GOLGA5: variants seen among roughly 807,000 people sequenced by gnomAD.
GOLGA5 encodes golgin A5.
A neutral mutation model predicts 93.5 loss-of-function variants in GOLGA5; 50 were observed. The ratio of observed to expected loss-of-function variants is 0.53; its 90% CI spans 0.43 to 0.68. GOLGA5 has a LOEUF of 0.68. Among genes scored for constraint, GOLGA5 ranks in the 30% least tolerant of loss-of-function variants. The pLI, the probability that GOLGA5 is intolerant of heterozygous loss-of-function variation, is 0.00. For missense variants in GOLGA5, 760 were observed against 856.4 expected (o/e 0.89, Z 1.40); for synonymous variants, 312 against 304.5 (o/e 1.02, Z -0.26).
intron 10 of GOLGA5, 106 bp from the exon 11 acceptor site, chr14:92,835,453 G>T (rs1885622652): frequency 1.6e-6 from 1 of 637,450 alleles, no homozygotes; most frequent in Admixed American, 2.5e-5. Flanking sequence ...TGCTTAGAAA[G>T]TTGCCCTTGA....
At position 92,806,731 on chromosome 14, in the gene GOLGA5, T is replaced by TA. The variant is rs1419947537; in HGVS notation, c.545-4dup. The TA allele has an allele frequency of 1.9e-6, 3 of 1,600,460 alleles. No individual in the cohort carries two copies. Among genetic ancestry groups the TA allele is most frequent in the Non-Finnish European group, 1.7e-6 (2 of 1,167,590 alleles). ...TGTAACAAAAACGTATTCTTTTTTT[T>TA]ACAGAAGCTGCCAGTAACTCAGATT... is the stretch of plus-strand genomic sequence containing the variant. On this transcript the variant is annotated splice_region_variant and splice_polypyrimidine_tract_variant and intron_variant, in intron 2 of 12. Coordinates refer to ENST00000163416, the MANE Select transcript of GOLGA5 (RefSeq NM_005113.4).
rs553415291 is a variant in GOLGA5, at chr14:92,837,885, G to C, written c.2115+436G>C. Among the ~76,000 whole-genome samples the C allele has an allele frequency of 4.7e-4, 72 of 152,248 alleles. 1 individual carries two copies. The South Asian group carries it at 0.011, about 23-fold the overall frequency. On this transcript the variant is annotated intron_variant, in intron 12 of 12. Transcript: ENST00000163416. ...AGCCAGCAGACAGTTTGGAAAGAGA[G>C]AACTCAGTTTTAGTAATTAAGATTT...
Position 92,797,939 on chromosome 14 carries a change from A to G in GOLGA5, c.502A>G (p.Ile168Val), listed in dbSNP as rs1471042050. ...TTCTGTGAACCCCAGTGTAACCACC[A>G]TCAAAACCATTGAAGAAAATTCTTT... is the stretch of plus-strand genomic sequence containing the variant. ...VSSVNPSVTT[I>V]KTIEENSFGS... is the part of the protein sequence containing the mutation. Residue 168 changes from isoleucine (I) to valine (V), a missense_variant, in exon 2 of 13, where the codon ATC becomes GTC. Physicochemically the swap from Ile to Val is conservative, Grantham distance 29 (BLOSUM62 3). Coordinates refer to ENST00000163416, the MANE Select transcript of GOLGA5 (RefSeq NM_005113.4). The G allele has an allele frequency of 6.3e-7, 1 of 1,595,362 alleles. No individual in the cohort carries two copies. The highest frequency in any genetic ancestry group is 8.5e-7 in the Non-Finnish European group (1 of 1,174,928).
At chr14:92,827,042 T>G (rs10148471) in intron 9 of GOLGA5, among the ~76,000 whole-genome samples, 1 of 152,180 alleles carries the variant, frequency 6.6e-6, no homozygotes, top group South Asian at 2.1e-4. Context: ...AATATTTACT[T>G]TCTCTCTCTG....
intron 9 of GOLGA5, among the ~76,000 whole-genome samples, chr14:92,827,974 G>T (rs1350994261): frequency 1.3e-5 from 2 of 152,188 alleles, no homozygotes; most frequent in Non-Finnish European, 2.9e-5. Context: ...GCTAGCAGAG[G>T]TTTGGTTTTG....
In GOLGA5 at chr14:92,829,835, G is replaced by A. The variant is rs75777367; in HGVS notation, c.1720-3287G>A. Among the ~76,000 whole-genome samples, 734 of 152,248 alleles carry A rather than the reference G, an allele frequency of 4.8e-3. 2 individuals are homozygous for A. Among genetic ancestry groups the A allele is most frequent in the Non-Finnish European group, 7.7e-3 (524 of 68,018 alleles). ...ATTACATGCTACTGGGAAATCTTTC[G>A]TGAAGGGAAGAACCCATCGATGTGA... is the stretch of plus-strand genomic sequence containing the variant. On this transcript the variant is annotated intron_variant, in intron 9 of 12. Transcript: ENST00000163416.
At chr14:92,833,581 G>A (rs182872254) in intron 10 of GOLGA5, among the ~76,000 whole-genome samples, 2 of 152,252 alleles carry the variant, frequency 1.3e-5, no homozygotes, top group African/African-American at 4.8e-5. Context: ...TAATTATATT[G>A]TAATGTCTGA....
chr14:92,813,986 T>C (rs918983028), intron 6 of GOLGA5, among the ~76,000 whole-genome samples: 6 of 151,994 alleles, frequency 3.9e-5, no homozygotes, highest in African/African-American at 1.2e-4. Context: ...GTTTTTGGTT[T>C]AAGTGTATGA....
chr14:92,809,237 T>C (rs561089159), intron 3 of GOLGA5, 63 bp from the exon 4 acceptor site: 1 of 1,097,140 alleles, frequency 9.1e-7, no homozygotes, highest in South Asian at 1.3e-5. Flanking sequence ...GTAGAAACTG[T>C]ACGTGCTCTG....
In GOLGA5 at chr14:92,797,392, T is replaced by C; in HGVS notation, c.-30-16T>C. ...TGCCACTATGCCACACTGATCATTTTATGTCCTTTTTACAGGTTTGCCAAT... is the reference window on the plus strand; with the variant it reads ...TGCCACTATGCCACACTGATCATTTCATGTCCTTTTTACAGGTTTGCCAAT... On this transcript the variant is annotated splice_polypyrimidine_tract_variant and intron_variant, in intron 1 of 12. Coordinates refer to ENST00000163416, the MANE Select transcript of GOLGA5 (RefSeq NM_005113.4). The C allele has an allele frequency of 7.0e-7, 1 of 1,424,886 alleles. No individual in the cohort carries two copies. The highest frequency in any genetic ancestry group is 9.6e-7 in the Non-Finnish European group (1 of 1,037,264). The allele number at this position is 1,424,886 out of a possible 1,614,324, so 88.3% of individuals were successfully genotyped here.
In GOLGA5 at chr14:92,835,597, A is replaced by G. The variant is rs1341767119; in HGVS notation, c.1984A>G (p.Thr662Ala). ...AAATGTTCCTGTTCTTTTTAATGAC[A>G]CAGAAACTAATCTGGCAGGAATGTA... is the stretch of plus-strand genomic sequence containing the variant. Reference protein sequence around the residue: ...LRNVPVLFNDTETNLAGMYGK... With the variant: ...LRNVPVLFNDAETNLAGMYGK... The change falls in exon 11 of 13, where the codon ACA becomes GCA. Residue 662 changes from threonine (T) to alanine (A), a missense_variant. Physicochemically the swap from Thr to Ala is moderately conservative, Grantham distance 58. Transcript: ENST00000163416. 1.9e-6 allele frequency: 3 copies of G among 1,613,660 alleles called. No individual in the cohort carries two copies. Among genetic ancestry groups the G allele is most frequent in the South Asian group, 2.2e-5 (2 of 91,046 alleles).
chr14:92,797,410 T>G lies in GOLGA5; in HGVS notation c.-28T>G, dbSNP rs376581530. On this transcript the variant is annotated splice_region_variant and 5_prime_UTR_variant, in exon 2 of 13. Transcript: ENST00000163416. ...ATCATTTTATGTCCTTTTTACAGGTTTGCCAATAGGATTATCCTGCTGCCA... is the reference window on the plus strand; with the variant it reads ...ATCATTTTATGTCCTTTTTACAGGTGTGCCAATAGGATTATCCTGCTGCCA... 426 of 1,542,494 alleles carry G rather than the reference T, an allele frequency of 2.8e-4. 3 individuals carry two copies. The African/African-American group carries it at 5.3e-3, about 19-fold the overall frequency.
rs143894597 is a variant in GOLGA5, at chr14:92,831,258, A to G, written c.1720-1864A>G. Among the ~76,000 whole-genome samples, 1,166 of 152,328 alleles carry G rather than the reference A, an allele frequency of 7.7e-3. 6 individuals carry two copies. The highest frequency in any genetic ancestry group is 0.012 in the Non-Finnish European group (843 of 68,028). Reference sequence around the variant, plus strand: ...AACCTGTGACTTTAGATATTTACCCAGTGTAAATGAAGATGTATGACCACT... The same window carrying G: ...AACCTGTGACTTTAGATATTTACCCGGTGTAAATGAAGATGTATGACCACT... On this transcript the variant is annotated intron_variant, in intron 9 of 12. Transcript: ENST00000163416.
In GOLGA5 at chr14:92,836,661, A is replaced by C. The variant is rs1306162759; in HGVS notation, c.2052-725A>C. Among the ~76,000 whole-genome samples, 126 of 152,300 alleles carry C rather than the reference A, an allele frequency of 8.3e-4. 1 individual carries two copies. The highest frequency in any genetic ancestry group is 8.8e-5 in the Non-Finnish European group (6 of 68,038). ...ACCTTTTAGAAGCATGTATCTATAC[A>C]AAAGCTTCTAGATTAGCTATTTGCA... On this transcript the variant is annotated intron_variant, in intron 11 of 12. Coordinates refer to ENST00000163416, the MANE Select transcript of GOLGA5 (RefSeq NM_005113.4).
chr14:92,839,239 A>C, intron 12 of GOLGA5, 127 bp from the exon 13 acceptor site: 2 of 628,372 alleles, frequency 3.2e-6, no homozygotes, highest in South Asian at 3.9e-5. Flanking sequence ...TGTTTCATTC[A>C]TTCCTTCATG....
chr14:92,797,592 T>G lies in GOLGA5; in HGVS notation c.155T>G (p.Leu52Trp), dbSNP rs1595587838. ...YTELHQQNTD[L>W]IYQTGPKSTY... ...GAACTTCACCAGCAAAATACAGATTTGATATATCAGACTGGACCTAAATCT... is the reference window on the plus strand; with the variant it reads ...GAACTTCACCAGCAAAATACAGATTGGATATATCAGACTGGACCTAAATCT... The change falls in exon 2 of 13, where the codon TTG becomes TGG. Residue 52 changes from leucine (L) to tryptophan (W), a missense_variant. Physicochemically the swap from Leu to Trp is moderately conservative, Grantham distance 61. Transcript: ENST00000163416. 20 of 1,613,742 alleles carry G rather than the reference T, an allele frequency of 1.2e-5. No homozygotes were observed. The highest frequency in any genetic ancestry group is 1.6e-5 in the Non-Finnish European group (19 of 1,179,680).
chr14:92,794,672 C>T (rs1344297003), intron 1 of GOLGA5, among the ~76,000 whole-genome samples: 1 of 152,336 alleles, frequency 6.6e-6, no homozygotes, highest in East Asian at 1.9e-4. Flanking sequence ...TTCTCCTGAC[C>T]CCTGCCTGGC....
chr14:92,823,034 T>C (rs1885347346), intron 8 of GOLGA5, among the ~76,000 whole-genome samples: 1 of 152,214 alleles, frequency 6.6e-6, no homozygotes, highest in Non-Finnish European at 1.5e-5. Context: ...ACCGTGTTCC[T>C]CTTTGTGAAA....
Position 92,837,408 on chromosome 14 carries a change from C to A in GOLGA5, c.2074C>A (p.Arg692=). 2 of 1,549,988 alleles carry A rather than the reference C, an allele frequency of 1.3e-6. No individual in the cohort carries two copies. The highest frequency in any genetic ancestry group is 1.1e-5 in the South Asian group (1 of 89,434). Reference sequence around the variant, plus strand: ...CAGTATTCGCCTGGGAATTTTTCTCCGAAGATACCCCATAGCGCGAGTTTT... The same window carrying A: ...CAGTATTCGCCTGGGAATTTTTCTCAGAAGATACCCCATAGCGCGAGTTTT... ...QFSIRLGIFL[R]RYPIARVFVI... is the part of the protein sequence containing the mutation. Residue 692 remains arginine (R), a synonymous_variant, in exon 12 of 13, where the codon CGA becomes AGA. Coordinates refer to ENST00000163416, the MANE Select transcript of GOLGA5 (RefSeq NM_005113.4).
Sources: allele counts gnomAD v4.1 joint callset (sites outside exome capture counted in the v4.1 genomes callset), GRCh38; gene constraint gnomAD v4.1.1; transcripts MANE v1.5; gene names NCBI Gene and HGNC (gene_info 2026-07-23, HGNC 2026-07-21).